Variants in TMC1 observed in about 807,000 individuals in gnomAD.
TMC1 encodes the protein transmembrane channel-like protein 1.
Under a neutral mutation model 105.8 loss-of-function variants are expected in TMC1, and 84 were observed. The observed-to-expected ratio is 0.79, with a 90% CI of 0.67 to 0.95. The LOEUF is 0.95. Ranked by LOEUF, TMC1 falls within the 40% of genes least tolerant of loss-of-function variation. The pLI, the probability that TMC1 is intolerant of heterozygous loss-of-function variation, is 0.00. For missense variants in TMC1, 817 were observed against 914.1 expected, an observed-to-expected ratio of 0.89 and a Z score of 1.37; for synonymous variants, 315 against 311.5, an observed-to-expected ratio of 1.01 and a Z score of -0.12.
intron 1 of TMC1, among the ~76,000 whole-genome samples, chr9:72,527,025 A>AG (rs1823417176): frequency 6.6e-6 from 1 of 152,170 alleles, no homozygotes; most frequent in Non-Finnish European, 1.5e-5. Context: ...TGGTCTAGGT[A>AG]GGGGGTGTCA....
At chr9:72,666,669 G>A (rs1276787732) in intron 5 of TMC1, among the ~76,000 whole-genome samples, 4 of 152,146 alleles carry the variant, frequency 2.6e-5, no homozygotes, top group African/African-American at 4.8e-5. Context: ...ATAAAGAGTT[G>A]AAGACCAACA....
chr9:72,831,343 A>G (rs919001419), intron 23 of TMC1, among the ~76,000 whole-genome samples: 1 of 152,122 alleles, frequency 6.6e-6, no homozygotes, highest in Non-Finnish European at 1.5e-5. Context: ...AAAACACTCA[A>G]ATTGGTTTAA....
At chr9:72,740,340 C>T (rs1188557147) in intron 9 of TMC1, 131 bp downstream of exon 9, 2 of 719,966 alleles carry the variant, frequency 2.8e-6, no homozygotes, top group Admixed American at 2.6e-5. Context: ...AGTATATACA[C>T]AGTATATCTG....
chr9:72,637,608 A>G (rs934285999), intron 4 of TMC1, among the ~76,000 whole-genome samples: 5 of 152,194 alleles, frequency 3.3e-5, no homozygotes, highest in African/African-American at 9.7e-5. Context: ...TAGAAGACCT[A>G]TTTCCCAGAG....
intron 2 of TMC1, among the ~76,000 whole-genome samples, chr9:72,589,564 A>G (rs561400683): frequency 6.6e-6 from 1 of 152,134 alleles, no homozygotes; most frequent in Admixed American, 6.6e-5. Context: ...TCAAGGTTCA[A>G]TTTAGACTTC....
intron 1 of TMC1, among the ~76,000 whole-genome samples, chr9:72,573,595 C>T (rs1194401681): frequency 1.3e-5 from 2 of 152,168 alleles, no homozygotes; most frequent in Non-Finnish European, 2.9e-5. Context: ...GATTCCTGTA[C>T]AGGGTGGCTT....
chr9:72,726,803 T>G (rs1827133280), intron 8 of TMC1, among the ~76,000 whole-genome samples: 1 of 152,160 alleles, frequency 6.6e-6, no homozygotes, highest in Non-Finnish European at 1.5e-5. Flanking sequence ...GAAAAATGTT[T>G]TGAAAAAACA....
At chr9:72,614,200 C>G (rs7032232) in intron 2 of TMC1, among the ~76,000 whole-genome samples, 79,364 of 151,954 alleles carry the variant, frequency 0.52, 21,267 homozygotes, top group African/African-American at 0.65. Context: ...TGTTTGTGTC[C>G]AGTTTGAAGA....
At chr9:72,619,720 A>G (rs1345915759) in intron 3 of TMC1, among the ~76,000 whole-genome samples, 10 of 151,970 alleles carry the variant, frequency 6.6e-5, no homozygotes, top group Admixed American at 4.6e-4. Context: ...ATAGAAAAGT[A>G]CATTATTTTT....
intron 5 of TMC1, 41 bp from the exon 6 acceptor site, chr9:72,688,668 G>A (rs762917092): frequency 6.5e-7 from 1 of 1,528,652 alleles, no homozygotes; most frequent in Non-Finnish European, 9.0e-7. Flanking sequence ...CAATTGTACA[G>A]GCATTTAAAT....
intron 12 of TMC1, among the ~76,000 whole-genome samples, chr9:72,756,553 G>T (rs1827679395): frequency 1.3e-5 from 2 of 151,694 alleles, no homozygotes; most frequent in Non-Finnish European, 2.9e-5. Flanking sequence ...TTCAAATAAT[G>T]CATTACTATG....
At chr9:72,706,828 G>A (rs1588042091) in intron 8 of TMC1, among the ~76,000 whole-genome samples, 1 of 146,280 alleles carries the variant, frequency 6.8e-6, no homozygotes, top group South Asian at 2.1e-4. Flanking sequence ...AGGCTGTAGT[G>A]CAGTGGCGTG....
chr9:72,766,201 A>G (rs1025278704), intron 12 of TMC1, among the ~76,000 whole-genome samples: 25 of 151,848 alleles, frequency 1.6e-4, no homozygotes, highest in African/African-American at 5.6e-4. Context: ...GTGGATCACA[A>G]GGTCAGGAGA....
chr9:72,658,998 A>T (rs1011606980), intron 5 of TMC1, among the ~76,000 whole-genome samples: 2 of 152,208 alleles, frequency 1.3e-5, no homozygotes, highest in African/African-American at 4.8e-5. Context: ...CCTTCTTCTA[A>T]TATTTACTCT....
intron 5 of TMC1, among the ~76,000 whole-genome samples, chr9:72,673,656 A>C (rs969961516): frequency 3.3e-5 from 5 of 152,158 alleles, no homozygotes; most frequent in Non-Finnish European, 7.4e-5. Flanking sequence ...CAGGCCAATA[A>C]ATTTGACAAC....
rs185391092 is a variant in TMC1, at chr9:72,717,615, T to G, written c.362+16972T>G. Among the ~76,000 whole-genome samples, 816 of 152,320 alleles carry G rather than the reference T, an allele frequency of 5.4e-3. 4 individuals carry two copies. Among genetic ancestry groups the G allele is most frequent in the Non-Finnish European group, 9.4e-3 (638 of 68,024 alleles). On this transcript the variant is annotated intron_variant, in intron 8 of 23. Transcript: ENST00000297784. Reference sequence around the variant, plus strand: ...TTGTTTTGTTTAAGGAGGATAAAAATAGGACCCCAGTCCCCTCTAGCCTGT... The same window carrying G: ...TTGTTTTGTTTAAGGAGGATAAAAAGAGGACCCCAGTCCCCTCTAGCCTGT...
chr9:72,816,087 C>T, intron 18 of TMC1, 56 bp from the exon 19 acceptor site: 1 of 1,523,198 alleles, frequency 6.6e-7, no homozygotes, highest in Non-Finnish European at 9.1e-7. Context: ...GAACAATTTG[C>T]CTTTCAGTTT....
At chr9:72,676,131 A>G (rs921694836) in intron 5 of TMC1, among the ~76,000 whole-genome samples, 1 of 152,158 alleles carries the variant, frequency 6.6e-6, no homozygotes, top group African/African-American at 2.4e-5. Context: ...TTCTTTCAAT[A>G]TTGGTTGACA....
At chr9:72,586,411 G>C (rs934364569) in intron 2 of TMC1, among the ~76,000 whole-genome samples, 3 of 152,172 alleles carry the variant, frequency 2.0e-5, no homozygotes, top group African/African-American at 7.2e-5. Context: ...GGAGAGCTTT[G>C]ATTTTCTAGT....
Sources: allele counts gnomAD v4.1 joint callset (sites outside exome capture counted in the v4.1 genomes callset), GRCh38; gene constraint gnomAD v4.1.1; transcripts MANE v1.5; gene names NCBI Gene and HGNC (gene_info 2026-07-23, HGNC 2026-07-21).